Variants in ZHX3 observed in about 807,000 individuals in gnomAD.
ZHX3 encodes the protein zinc fingers and homeoboxes protein 3.
Under a neutral mutation model 64.5 loss-of-function variants are expected in ZHX3, and 20 were observed. The ratio of observed to expected loss-of-function variants is 0.31; its 90% CI spans 0.22 to 0.45. The LOEUF (loss-of-function observed/expected upper bound fraction) is 0.45, where lower values mean the gene tolerates loss of function less well. Ranked by LOEUF, ZHX3 falls within the 20% of genes least tolerant of loss-of-function variation. ZHX3 has a pLI of 1.00. For missense variants in ZHX3, 1,041 were observed against 1,195.8 expected (o/e 0.87, Z 1.91); for synonymous variants, 423 against 461.6 (o/e 0.92, Z 1.07).
chr20:41,240,376 A>G (rs531864320), intron 2 of ZHX3, among the ~76,000 whole-genome samples: 1 of 152,306 alleles, frequency 6.6e-6, no homozygotes, highest in African/African-American at 2.4e-5. Context: ...AGTAACTCAC[A>G]TATCTTAGAA....
chr20:41,197,580 A>G (rs1215553495), intron 3 of ZHX3, among the ~76,000 whole-genome samples: 2 of 151,914 alleles, frequency 1.3e-5, no homozygotes, highest in African/African-American at 4.8e-5. Flanking sequence ...GAGTCTCTTA[A>G]GACAGCATAT....
chr20:41,258,983 T>C (rs930654916), intron 2 of ZHX3, among the ~76,000 whole-genome samples: 1 of 151,810 alleles, frequency 6.6e-6, no homozygotes, highest in African/African-American at 2.4e-5. Flanking sequence ...TGAATTTTAC[T>C]TTTCTTCTGC....
At chr20:41,239,948 G>C (rs1336488181) in intron 2 of ZHX3, among the ~76,000 whole-genome samples, 1 of 152,084 alleles carries the variant, frequency 6.6e-6, no homozygotes, top group Non-Finnish European at 1.5e-5. Flanking sequence ...AGAGAAAATA[G>C]GTAAAGCAGG....
At chr20:41,243,673 T>A (rs1435029751) in intron 2 of ZHX3, among the ~76,000 whole-genome samples, 1 of 152,154 alleles carries the variant, frequency 6.6e-6, no homozygotes, top group Non-Finnish European at 1.5e-5. Flanking sequence ...TGGGGCCTTA[T>A]AATATTATTA....
chr20:41,280,374 T>C (rs2043616897), intron 1 of ZHX3, among the ~76,000 whole-genome samples: 1 of 152,210 alleles, frequency 6.6e-6, no homozygotes, highest in Non-Finnish European at 1.5e-5. Context: ...TAGGCATTTG[T>C]ATTTAAATAT....
chr20:41,183,721 T>C lies in ZHX3; in HGVS notation c.*1470A>G, dbSNP rs1289676826. ...TTGGCACTCTGGGAAGCAGGTGGTT[T>C]CTAAGAAATGAGCGGAGCTACAGGT... On this transcript the variant is annotated 3_prime_UTR_variant, in exon 4 of 4. Transcript: ENST00000683867. This position sits in a 1 kb window ranked among gnomAD's most constrained non-coding sequence, Gnocchi z 5.3. The C allele has an allele frequency of 2.6e-5, 4 of 152,236 alleles. No homozygotes were observed. Among genetic ancestry groups the C allele is most frequent in the Admixed American group, 2.0e-4 (3 of 15,270 alleles). The allele number at this position is 152,236 out of a possible 1,614,324, so 9.4% of individuals were successfully genotyped here.
At chr20:41,274,330 C>G (rs916764552) in intron 1 of ZHX3, among the ~76,000 whole-genome samples, 1 of 152,212 alleles carries the variant, frequency 6.6e-6, no homozygotes, top group Non-Finnish European at 1.5e-5. Context: ...CTTCGCAGAA[C>G]AGTATCAGGA....
Position 41,204,113 on chromosome 20 carries a change from T to G in ZHX3, c.804A>C (p.Ile268=), listed in dbSNP as rs775453580. 31 of 1,605,766 alleles carry G rather than the reference T, an allele frequency of 1.9e-5. No homozygotes were observed. The highest frequency in any genetic ancestry group is 2.6e-5 in the Non-Finnish European group (30 of 1,175,676). ...IGTVPVLPAG[I]AQFLSLQQQP... is the part of the protein sequence containing the mutation. ...GCTGCTGGAGGGAGAGGAACTGTGC[T>G]ATGCCAGCTGGCAAAACTGGCACTG... The change falls in exon 3 of 4, where the codon ATA becomes ATC. Residue 268 remains isoleucine (I), a synonymous_variant. Coordinates refer to ENST00000683867, the MANE Select transcript of ZHX3 (RefSeq NM_001384317.1). This position sits in a 1 kb window ranked among gnomAD's most constrained non-coding sequence, Gnocchi z 6.6.
chr20:41,243,802 G>A (rs998251952), intron 2 of ZHX3, among the ~76,000 whole-genome samples: 3 of 152,182 alleles, frequency 2.0e-5, no homozygotes, highest in Non-Finnish European at 4.4e-5. Flanking sequence ...AATGTGGTAA[G>A]TGCTGCAATG....
At chr20:41,294,765 G>A (rs1334677245) in intron 1 of ZHX3, among the ~76,000 whole-genome samples, 2 of 152,168 alleles carry the variant, frequency 1.3e-5, no homozygotes, top group Non-Finnish European at 2.9e-5. Context: ...CTGGAGTGCA[G>A]TGACACAATC....
At chr20:41,307,418 C>T (rs2045012204) in intron 1 of ZHX3, among the ~76,000 whole-genome samples, 1 of 152,168 alleles carries the variant, frequency 6.6e-6, no homozygotes, top group Non-Finnish European at 1.5e-5. Flanking sequence ...ACCATATATT[C>T]AAACATATAC....
chr20:41,187,035 T>C (rs566670100), intron 3 of ZHX3, among the ~76,000 whole-genome samples: 16 of 152,234 alleles, frequency 1.1e-4, no homozygotes, highest in Non-Finnish European at 2.4e-4. Context: ...TAAGAAATCA[T>C]TGCCTGGCCA....
chr20:41,198,977 T>C (rs1358297914), intron 3 of ZHX3, among the ~76,000 whole-genome samples: 1 of 152,150 alleles, frequency 6.6e-6, no homozygotes, highest in Non-Finnish European at 1.5e-5. Context: ...TCAAATTCAC[T>C]GTTCTCTTCT....
At chr20:41,279,546 G>A (rs557449668) in intron 1 of ZHX3, among the ~76,000 whole-genome samples, 22 of 151,980 alleles carry the variant, frequency 1.4e-4, no homozygotes, top group African/African-American at 5.3e-4. Flanking sequence ...AAGTATTTGA[G>A]GACTTCTTGT....
Position 41,204,745 on chromosome 20 carries a change from T to C in ZHX3, c.172A>G (p.Ser58Gly). 1 of 1,614,208 alleles carries C rather than the reference T, an allele frequency of 6.2e-7. No individual in the cohort carries two copies. The highest frequency in any genetic ancestry group is 8.5e-7 in the Non-Finnish European group (1 of 1,180,022). The change falls in exon 3 of 4, where the codon AGT becomes GGT. Residue 58 changes from serine to glycine, a missense_variant. By Grantham distance (56) the Ser-to-Gly change is moderately conservative. Transcript: ENST00000683867. The surrounding 1 kb of genome is among the most constrained non-coding windows in gnomAD (Gnocchi z 6.6). The part of the protein sequence containing the change: ...ASSEAAQNPS[S>G]TDGSTLANGH... The stretch of plus-strand genomic sequence containing the variant: ...TTGGCCAGTGTAGAGCCATCAGTAC[T>C]GCTGGGGTTCTGTGCTGCCTCACTG...
At chr20:41,199,676 A>G (rs888306877) in intron 3 of ZHX3, among the ~76,000 whole-genome samples, 3 of 151,714 alleles carry the variant, frequency 2.0e-5, no homozygotes, top group African/African-American at 7.3e-5. Flanking sequence ...CAGTGATTAA[A>G]TGCAGTAATC....
chr20:41,219,022 C>A lies in ZHX3; in HGVS notation c.-150-13956G>T, dbSNP rs1394843345. On this transcript the variant is annotated intron_variant, in intron 2 of 3. Coordinates refer to ENST00000683867, the MANE Select transcript of ZHX3 (RefSeq NM_001384317.1). This position sits in a 1 kb window ranked among gnomAD's most constrained non-coding sequence, Gnocchi z 5.0. Reference sequence around the variant, plus strand: ...TCGGCTCACTGCAAGCTCCACCTCCCGGGTTCACGCCACTCTCCTGCCTCA... The same window carrying A: ...TCGGCTCACTGCAAGCTCCACCTCCAGGGTTCACGCCACTCTCCTGCCTCA... Among the ~76,000 whole-genome samples the A allele has an allele frequency of 6.6e-6, 1 of 151,668 alleles. No individual in the cohort carries two copies. Among genetic ancestry groups the A allele is most frequent in the Admixed American group, 6.6e-5 (1 of 15,236 alleles).
chr20:41,231,906 G>C (rs143241321), intron 2 of ZHX3, among the ~76,000 whole-genome samples: 5 of 152,280 alleles, frequency 3.3e-5, no homozygotes, highest in African/African-American at 4.8e-5. Context: ...GTATATCACA[G>C]TGAAAAGATG....
intron 3 of ZHX3, among the ~76,000 whole-genome samples, chr20:41,196,035 G>A (rs1329436884): frequency 6.6e-6 from 1 of 151,626 alleles, no homozygotes; most frequent in Admixed American, 6.6e-5. Context: ...AGTATTCCAT[G>A]TGAATTTGAG....
Sources: allele counts gnomAD v4.1 joint callset (sites outside exome capture counted in the v4.1 genomes callset), GRCh38; gene constraint gnomAD v4.1.1; non-coding constraint Gnocchi (gnomAD v3.1); transcripts MANE v1.5; gene names NCBI Gene and HGNC (gene_info 2026-07-23, HGNC 2026-07-21).